The following RORA variants were observed in gnomAD, a reference collection of about 807,000 sequenced individuals.
RORA encodes RAR related orphan receptor A.
RORA carries 7 observed loss-of-function variants against 69.5 expected under a neutral mutation model. The observed-to-expected ratio is 0.10, with a 90% CI of 0.06 to 0.19. RORA has a LOEUF of 0.19. RORA is among the 10% of genes least tolerant of loss of function. The pLI is 1.00. For missense variants in RORA, 457 were observed against 663.0 expected, an observed-to-expected ratio of 0.69 and a Z score of 3.41; for synonymous variants, 261 against 240.8, an observed-to-expected ratio of 1.08 and a Z score of -0.78.
chr15:60,897,331 A>G (rs772155870), intron 1 of RORA, among the ~76,000 whole-genome samples: 81 of 152,176 alleles, frequency 5.3e-4, no homozygotes, highest in Non-Finnish European at 9.9e-4. Flanking sequence ...ACATATAGAG[A>G]TCTTTGCCTG....
intron 1 of RORA, among the ~76,000 whole-genome samples, chr15:61,017,287 T>C (rs1377640136): frequency 1.3e-5 from 2 of 152,248 alleles, no homozygotes; most frequent in African/African-American, 2.4e-5. Flanking sequence ...TTCAAAATAT[T>C]TGCTGTCAAC....
chr15:61,107,653 T>A (rs1814700741), intron 1 of RORA, among the ~76,000 whole-genome samples: 2 of 151,876 alleles, frequency 1.3e-5, no homozygotes, highest in Admixed American at 6.6e-5. Flanking sequence ...AAAATTTACT[T>A]TTATCTAGTA....
intron 1 of RORA, among the ~76,000 whole-genome samples, chr15:60,773,827 A>T (rs2072116571): frequency 6.6e-6 from 1 of 152,238 alleles, no homozygotes; most frequent in African/African-American, 2.4e-5. Context: ...CAGACTTGAC[A>T]CTACCCTACC....
intron 1 of RORA, among the ~76,000 whole-genome samples, chr15:60,940,141 ATGG>A (rs1044864067): frequency 9.2e-5 from 14 of 152,236 alleles, no homozygotes; most frequent in Non-Finnish European, 1.5e-4. Context: ...TCTAATAGTG[ATGG>A]TGAACATTCT....
At position 60,490,871 on chromosome 15, in the gene RORA, C is replaced by G. The variant is rs953087654; in HGVS notation, c.*6584G>C. On this transcript the variant is annotated 3_prime_UTR_variant, in exon 11 of 11. Transcript: ENST00000335670. The surrounding 1 kb of genome is among the most constrained non-coding windows in gnomAD (Gnocchi z 4.1). ...TCTTTATACATATTAAAAGCCTTGT[C>G]TGGGGTTTGTCATATGTTAAATATT... 6.6e-6 allele frequency: 1 copy of G among 152,108 alleles called. No homozygotes were observed. Among genetic ancestry groups the G allele is most frequent in the African/African-American group, 2.4e-5 (1 of 41,428 alleles). The allele number at this position is 152,108 out of a possible 1,614,324, so 9.4% of individuals were successfully genotyped here.
At chr15:61,140,985 ACCT>A (rs1455618580) in intron 1 of RORA, among the ~76,000 whole-genome samples, 1 of 151,496 alleles carries the variant, frequency 6.6e-6, no homozygotes, top group Non-Finnish European at 1.5e-5. Flanking sequence ...CACACAAGAA[ACCT>A]CCTTTCAGAA....
chr15:60,919,791 C>T (rs1254759048), intron 1 of RORA, among the ~76,000 whole-genome samples: 3 of 152,214 alleles, frequency 2.0e-5, no homozygotes, highest in Non-Finnish European at 4.4e-5. Context: ...CTTTTCCTCT[C>T]TTTTGCCTGA....
chr15:60,802,232 C>T (rs17270459), intron 1 of RORA, among the ~76,000 whole-genome samples: 28,525 of 152,250 alleles, frequency 0.19, 3,284 homozygotes, highest in Non-Finnish European at 0.25. Flanking sequence ...TTACAACCTT[C>T]TGGTCAATTT....
At chr15:60,775,143 C>T (rs368042804) in intron 1 of RORA, among the ~76,000 whole-genome samples, 6 of 152,188 alleles carry the variant, frequency 3.9e-5, no homozygotes, top group Admixed American at 3.3e-4. Flanking sequence ...AAACTTGTGT[C>T]GGGCTTCCTG....
intron 2 of RORA, among the ~76,000 whole-genome samples, chr15:60,643,605 C>T (rs2069983764): frequency 6.6e-6 from 1 of 152,190 alleles, no homozygotes; most frequent in Non-Finnish European, 1.5e-5. Flanking sequence ...CTACCTATGC[C>T]TTCCAGCAGG....
intron 2 of RORA, among the ~76,000 whole-genome samples, chr15:60,613,165 G>C (rs1038671266): frequency 5.6e-4 from 85 of 152,054 alleles, no homozygotes; most frequent in African/African-American, 2.0e-3. Context: ...AATCAATTAT[G>C]AGTAATAGGT....
At chr15:60,555,687 T>C (rs2067337552) in intron 2 of RORA, among the ~76,000 whole-genome samples, 2 of 152,030 alleles carry the variant, frequency 1.3e-5, no homozygotes, top group Non-Finnish European at 2.9e-5. Context: ...CTTGTGTTCA[T>C]ATTCACAGGT....
At chr15:61,114,667 T>C (rs2079034665) in intron 1 of RORA, among the ~76,000 whole-genome samples, 1 of 152,228 alleles carries the variant, frequency 6.6e-6, no homozygotes, top group Admixed American at 6.5e-5. Context: ...AGCAAGATGC[T>C]GAGTTCTAAC....
At chr15:60,911,846 T>C (rs1891729209) in intron 1 of RORA, among the ~76,000 whole-genome samples, 3 of 145,454 alleles carry the variant, frequency 2.1e-5, no homozygotes, top group African/African-American at 7.6e-5. Flanking sequence ...ATTACAGACG[T>C]GCACCTGGCT....
Position 60,524,164 on chromosome 15 carries a change from A to G in RORA, c.282+7602T>C, listed in dbSNP as rs147048816. ...TTCTTGGCACCTTCCTATTTCTCAG[A>G]TCCATCTACTTGTCTCCATCTTTAC... is the stretch of plus-strand genomic sequence containing the variant. On this transcript the variant is annotated intron_variant, in intron 3 of 10. Coordinates refer to ENST00000335670, the MANE Select transcript of RORA (RefSeq NM_134261.3). 2.0e-4 allele frequency among the ~76,000 whole-genome samples: 30 copies of G among 152,224 alleles called. No homozygotes were observed. The East Asian group carries it at 5.4e-3, about 27-fold the overall frequency.
chr15:60,653,394 C>T (rs2070174723), intron 2 of RORA, among the ~76,000 whole-genome samples: 2 of 151,668 alleles, frequency 1.3e-5, no homozygotes, highest in South Asian at 4.2e-4. Flanking sequence ...TCTGTTTGGC[C>T]AAAGTGAATA....
chr15:60,838,893 C>CACA lies in RORA; in HGVS notation c.167-160208_167-160207insTGT, dbSNP rs2073158115. On this transcript the variant is annotated intron_variant, in intron 1 of 10. Transcript: ENST00000335670. The stretch of plus-strand genomic sequence containing the variant: ...ACACACACACACACACACACATATA[C>CACA]TTTTTTTTTTTTTCAGAGGGTGTCT... Among the ~76,000 whole-genome samples the CACA allele has an allele frequency of 4.3e-5, 6 of 139,398 alleles. No homozygotes were observed. The East Asian group carries it at 1.3e-3, about 29-fold the overall frequency. The allele number at this position is 139,398 out of a possible 152,430, so 91.5% of individuals were successfully genotyped here. A position where few individuals can be genotyped will look rare whatever the true frequency, so the allele number is the denominator to read the frequency against.
intron 2 of RORA, among the ~76,000 whole-genome samples, chr15:60,620,463 G>A (rs1484743970): frequency 6.6e-6 from 1 of 152,154 alleles, no homozygotes; most frequent in Non-Finnish European, 1.5e-5. Flanking sequence ...TGCAGCAAAT[G>A]GTACGTATTT....
intron 1 of RORA, among the ~76,000 whole-genome samples, chr15:60,766,150 CTG>C: frequency 6.6e-6 from 1 of 152,128 alleles, no homozygotes; most frequent in Middle Eastern, 3.4e-3. Flanking sequence ...TTTCACTGGA[CTG>C]TTGTTGAAAA....
Sources: allele counts gnomAD v4.1 joint callset (sites outside exome capture counted in the v4.1 genomes callset), GRCh38; gene constraint gnomAD v4.1.1; non-coding constraint Gnocchi (gnomAD v3.1); transcripts MANE v1.5; gene names NCBI Gene and HGNC (gene_info 2026-07-23, HGNC 2026-07-21).